Variants in ZFHX3 observed in about 807,000 individuals in gnomAD.
ZFHX3 encodes the protein zinc finger homeobox 3.
In ZFHX3, 42 loss-of-function variants were observed where a neutral mutation model predicts 279.1. That is an observed-to-expected ratio of 0.15 (90% CI 0.12 to 0.19). The LOEUF (loss-of-function observed/expected upper bound fraction) is 0.19, where lower values mean the gene tolerates loss of function less well. Among genes scored for constraint, ZFHX3 ranks in the 10% least tolerant of loss-of-function variants. The pLI is 1.00. For synonymous variants in ZFHX3, 2,293 were observed against 1,957.8 expected (o/e 1.17, Z -4.52); for missense variants, 4,981 against 4,754.0 (o/e 1.05, Z -1.40).
intron 1 of ZFHX3, among the ~76,000 whole-genome samples, chr16:72,991,004 AAG>A (rs964480993): frequency 1.3e-5 from 2 of 152,038 alleles, no homozygotes; most frequent in Non-Finnish European, 2.9e-5. Flanking sequence ...AAAAAAAAAA[AAG>A]AGAGAGAAAT....
chr16:73,861,621 T>C (rs1390479387), intron 1 of ZFHX3, among the ~76,000 whole-genome samples: 1 of 152,158 alleles, frequency 6.6e-6, no homozygotes, highest in East Asian at 1.9e-4. Flanking sequence ...TAGTGGGCCA[T>C]TGGCACCATG....
intron 1 of ZFHX3, among the ~76,000 whole-genome samples, chr16:73,857,390 TTATAAA>T (rs1387168637): frequency 6.6e-6 from 1 of 152,200 alleles, no homozygotes; most frequent in Non-Finnish European, 1.5e-5. Context: ...AAGTGATTGT[TTATAAA>T]GACTCCAAGT....
chr16:72,889,796 A>G lies in ZFHX3; in HGVS notation c.3383T>C (p.Leu1128Pro), dbSNP rs770890601. 24 of 1,613,546 alleles carry G rather than the reference A, an allele frequency of 1.5e-5. 1 individual carries two copies. In the Middle Eastern group the frequency reaches 7.1e-4, roughly 47 times the overall value. The change falls in exon 4 of 10, where the codon CTT (leucine) becomes CCT (proline). Residue 1128 changes from leucine to proline, a missense_variant. By Grantham distance (98) the Leu-to-Pro change is moderately conservative. This residue lies in a region of ZFHX3 where 1,751 missense variants were observed against 1,770.0 expected (regional missense o/e 0.99). Transcript: ENST00000268489. ...CCCCAGGTCCTCGTCCTCCTCTGGAAGGCCCTTCTGCAGCCGCTGCAGCTT... is the reference window on the plus strand; with the variant it reads ...CCCCAGGTCCTCGTCCTCCTCTGGAGGGCCCTTCTGCAGCCGCTGCAGCTT... ...LRKLQRLQKG[L>P]PEEDEDLGQI...
intron 1 of ZFHX3, among the ~76,000 whole-genome samples, chr16:73,021,803 C>T (rs1266737032): frequency 1.4e-5 from 2 of 138,332 alleles, no homozygotes; most frequent in African/African-American, 2.8e-5. Context: ...TGCACTCCAG[C>T]CTGGGTGACA....
At chr16:73,750,790 C>T (rs2053755307) in intron 1 of ZFHX3, among the ~76,000 whole-genome samples, 1 of 152,016 alleles carries the variant, frequency 6.6e-6, no homozygotes, top group African/African-American at 2.4e-5. Flanking sequence ...CGGAACATTG[C>T]AGGCAATTAG....
chr16:73,855,158 C>T (rs561591674), intron 1 of ZFHX3, among the ~76,000 whole-genome samples: 72 of 151,984 alleles, frequency 4.7e-4, no homozygotes, highest in African/African-American at 1.6e-3. Flanking sequence ...GAAATAACAA[C>T]CCCTCCTTGC....
At chr16:72,985,737 T>C (rs1962814118) in intron 1 of ZFHX3, among the ~76,000 whole-genome samples, 2 of 152,134 alleles carry the variant, frequency 1.3e-5, no homozygotes, top group Non-Finnish European at 2.9e-5. Flanking sequence ...TTGAACTCAC[T>C]AGCAGCTGTC....
rs140924716 is a variant in ZFHX3 at position 73,118,856 on chromosome 16, G to GT, written c.-897+12111dup. Among the ~76,000 whole-genome samples the GT allele has an allele frequency of 7.0e-4, 106 of 152,342 alleles. 1 individual carries two copies. In the East Asian group the frequency reaches 0.019, roughly 28 times the overall value. ...TTTTTGGTTGCTACCCAGCACCCAT[G>GT]TAACTATCCTCCACCTTAGCAGTAT... On this transcript the variant is annotated intron_variant, in intron 7 of 17. Coordinates refer to the ZFHX3 transcript ENST00000641206.
chr16:73,701,466 CAG>C (rs1416735621), intron 1 of ZFHX3, among the ~76,000 whole-genome samples: 6 of 152,202 alleles, frequency 3.9e-5, no homozygotes, highest in African/African-American at 1.2e-4. Context: ...AATCATGAAA[CAG>C]AGGATTGATA....
intron 1 of ZFHX3, among the ~76,000 whole-genome samples, chr16:73,806,942 A>G (rs1960293298): frequency 6.6e-6 from 1 of 152,176 alleles, no homozygotes; most frequent in South Asian, 2.1e-4. Flanking sequence ...CGAGCGTTCC[A>G]TCCAATTCCA....
chr16:73,630,666 GAAC>G lies in ZFHX3; in HGVS notation c.-1547+49511_-1547+49513del, dbSNP rs367899706. On this transcript the variant is annotated intron_variant, in intron 2 of 17. Transcript: ENST00000641206. Reference sequence around the variant, plus strand: ...ATTTCCACCAAGTTGTGACATAAGAGAACAACAGTCAGGAAACAGGACGTTCAG... The same window carrying G: ...ATTTCCACCAAGTTGTGACATAAGAGAACAGTCAGGAAACAGGACGTTCAG... Among the ~76,000 whole-genome samples the G allele has an allele frequency of 2.4e-3, 365 of 152,306 alleles. 1 individual carries two copies. The highest frequency in any genetic ancestry group is 8.2e-3 in the African/African-American group (341 of 41,556).
chr16:73,276,509 T>C (rs6564262), intron 4 of ZFHX3, among the ~76,000 whole-genome samples: 11,337 of 152,232 alleles, frequency 0.074, 508 homozygotes, highest in African/African-American at 0.13. Flanking sequence ...TCTTACAGTA[T>C]TGTTACTTAC....
chr16:73,858,674 C>T (rs1384543518), intron 1 of ZFHX3, among the ~76,000 whole-genome samples: 3 of 152,182 alleles, frequency 2.0e-5, no homozygotes, highest in Non-Finnish European at 2.9e-5. Flanking sequence ...ACATTAAACT[C>T]TTCCACATAT....
intron 3 of ZFHX3, among the ~76,000 whole-genome samples, chr16:73,433,761 G>C (rs531734486): frequency 6.6e-6 from 1 of 152,202 alleles, no homozygotes; most frequent in African/African-American, 2.4e-5. Context: ...CCTGGGGAGT[G>C]AGCCTGCAGC....
At chr16:73,615,125 A>G (rs1030313121) in intron 2 of ZFHX3, among the ~76,000 whole-genome samples, 7 of 151,842 alleles carry the variant, frequency 4.6e-5, no homozygotes, top group African/African-American at 1.7e-4. Flanking sequence ...CAACATGTTC[A>G]AGAGAGCAAA....
intron 3 of ZFHX3, among the ~76,000 whole-genome samples, chr16:72,927,276 C>T (rs1959503871): frequency 6.6e-6 from 1 of 152,092 alleles, no homozygotes; most frequent in Admixed American, 6.5e-5. Context: ...GAGTCTTCTC[C>T]CTGTGTCACA....
intron 1 of ZFHX3, among the ~76,000 whole-genome samples, chr16:73,884,066 C>T (rs186798206): frequency 1.2e-4 from 18 of 152,288 alleles, no homozygotes; most frequent in Non-Finnish European, 2.1e-4. Context: ...TAACAGCTTT[C>T]GTTACACATT....
chr16:73,854,701 TAAA>T lies in ZFHX3; in HGVS notation c.-1608+36947_-1608+36949del, dbSNP rs1961675712. On this transcript the variant is annotated intron_variant, in intron 1 of 17. Coordinates refer to the ZFHX3 transcript ENST00000641206. ...AGTCTGCTTGCTGGAGGTGATGCGA[TAAA>T]GAAACTTATCTCCCACCTTCCACAA... Among the ~76,000 whole-genome samples the T allele has an allele frequency of 1.1e-4, 7 of 65,144 alleles. No individual in the cohort carries two copies. The Admixed American group carries it at 1.4e-3, about 13-fold the overall frequency. The allele number at this position is 65,144 out of a possible 152,430, so 42.7% of individuals were successfully genotyped here.
chr16:73,129,815 AG>A (rs1269882592), intron 7 of ZFHX3, among the ~76,000 whole-genome samples: 3 of 152,104 alleles, frequency 2.0e-5, no homozygotes, highest in African/African-American at 7.2e-5. Flanking sequence ...GAGTGTGCTC[AG>A]GCTATTTTAA....
Sources: gnomAD v4.1 joint callset for allele counts (sites outside exome capture counted in the v4.1 genomes callset) on GRCh38, gnomAD v4.1.1 for gene constraint, gnomAD v4.1.1 regional missense constraint, MANE v1.5 for transcripts, NCBI Gene and HGNC (gene_info 2026-07-23, HGNC 2026-07-21) for gene names.